The following ATP6V1G3 variants were observed in gnomAD, a reference collection of about 807,000 sequenced individuals.
ATP6V1G3 encodes ATPase H+ transporting V1 subunit G3.
ATP6V1G3 carries 9 observed loss-of-function variants against 9.3 expected under a neutral mutation model. The observed-to-expected ratio is 0.97, with a 90% CI of 0.59 to 1.69. The LOEUF is 1.69. ATP6V1G3 is among the 40% of genes most tolerant of loss of function. ATP6V1G3 has a pLI of 0.00. For synonymous variants in ATP6V1G3, 43 were observed against 43.8 expected (o/e 0.98, Z 0.07); for missense variants, 133 against 139.0 (o/e 0.96, Z 0.22).
chr1:198,530,971 G>A (rs1241844715), intron 1 of ATP6V1G3, among the ~76,000 whole-genome samples: 1 of 151,872 alleles, frequency 6.6e-6, no homozygotes, highest in Non-Finnish European at 1.5e-5. Flanking sequence ...TCTAAAAATA[G>A]TGGTTTTAAA....
intron 2 of ATP6V1G3, among the ~76,000 whole-genome samples, chr1:198,526,601 T>C (rs796809964): frequency 6.6e-6 from 1 of 152,312 alleles, no homozygotes; most frequent in East Asian, 1.9e-4. Flanking sequence ...TAATGACTGA[T>C]GGTGATGGAA....
intron 2 of ATP6V1G3, among the ~76,000 whole-genome samples, chr1:198,524,572 G>A (rs1659584246): frequency 6.6e-6 from 1 of 152,146 alleles, no homozygotes; most frequent in East Asian, 1.9e-4. Flanking sequence ...TTAATTGGCA[G>A]TGATTCCCAG....
Position 198,529,215 on chromosome 1 carries a change from T to A in ATP6V1G3, c.83-34A>T, listed in dbSNP as rs569444829. ...TAACAAATATATATATATATATATA[T>A]AATTATATATATCAATATATAAATA... is the stretch of plus-strand genomic sequence containing the variant. On this transcript the variant is annotated intron_variant, in intron 1 of 2. Coordinates refer to ENST00000367382, the MANE Select transcript of ATP6V1G3 (RefSeq NM_001376861.1). 3.6e-4 allele frequency: 149 copies of A among 416,012 alleles called. No individual in the cohort carries two copies. The South Asian group carries it at 5.9e-3, about 17-fold the overall frequency. 25.8% of individuals were successfully genotyped at this position (416,012 alleles called of 1,614,324 possible). A position where few individuals can be genotyped will look rare whatever the true frequency, so the allele number is the denominator to read the frequency against.
chr1:198,537,083 C>G (rs1334766897), intron 1 of ATP6V1G3, among the ~76,000 whole-genome samples: 1 of 152,160 alleles, frequency 6.6e-6, no homozygotes, highest in South Asian at 2.1e-4. Flanking sequence ...CTGCCCATGT[C>G]CCTGTCAGAT....
chr1:198,529,739 T>C (rs1320101278), intron 1 of ATP6V1G3, among the ~76,000 whole-genome samples: 1 of 152,162 alleles, frequency 6.6e-6, no homozygotes, highest in African/African-American at 2.4e-5. Context: ...TTGTTGACTC[T>C]ACAATGTCTG....
rs541119496 is a variant in ATP6V1G3 at position 198,526,144 on chromosome 1, G to T, written c.184-2580C>A. Among the ~76,000 whole-genome samples, 8 of 152,196 alleles carry T rather than the reference G, an allele frequency of 5.3e-5. No individual in the cohort carries two copies. In the East Asian group the frequency reaches 1.5e-3, roughly 29 times the overall value. ...TTTGAGTTTCTGCAGTGTTTCCTATGCAGTACTATAACAATGACTAGTCAT... is the reference window on the plus strand; with the variant it reads ...TTTGAGTTTCTGCAGTGTTTCCTATTCAGTACTATAACAATGACTAGTCAT... On this transcript the variant is annotated intron_variant, in intron 2 of 2. Coordinates refer to ENST00000367382, the MANE Select transcript of ATP6V1G3 (RefSeq NM_001376861.1).
chr1:198,535,558 A>T (rs1358407204), intron 1 of ATP6V1G3, among the ~76,000 whole-genome samples: 1 of 152,088 alleles, frequency 6.6e-6, no homozygotes, highest in Non-Finnish European at 1.5e-5. Flanking sequence ...ATAGTGGACC[A>T]TGCTTAAGAA....
At chr1:198,524,603 T>C (rs547343246) in intron 2 of ATP6V1G3, among the ~76,000 whole-genome samples, 1 of 152,336 alleles carries the variant, frequency 6.6e-6, no homozygotes, top group South Asian at 2.1e-4. Flanking sequence ...TATCTCCTCT[T>C]TCCTCATAGC....
intron 2 of ATP6V1G3, among the ~76,000 whole-genome samples, chr1:198,523,800 T>C (rs1659546902): frequency 6.6e-6 from 1 of 152,204 alleles, no homozygotes; most frequent in Non-Finnish European, 1.5e-5. Context: ...CTCCACATGG[T>C]ACAAATTGAA....
At chr1:198,530,007 G>A (rs982102613) in intron 1 of ATP6V1G3, among the ~76,000 whole-genome samples, 1 of 151,998 alleles carries the variant, frequency 6.6e-6, no homozygotes, top group Non-Finnish European at 1.5e-5. Flanking sequence ...AAGTTTGGGG[G>A]GGGTTACAGA....
chr1:198,537,819 A>G (rs902111475), intron 1 of ATP6V1G3, among the ~76,000 whole-genome samples: 1 of 152,220 alleles, frequency 6.6e-6, no homozygotes, highest in Non-Finnish European at 1.5e-5. Context: ...GTAGATACCC[A>G]ATAAACACTT....
At chr1:198,533,460 G>C (rs1659987486) in intron 1 of ATP6V1G3, among the ~76,000 whole-genome samples, 1 of 152,142 alleles carries the variant, frequency 6.6e-6, no homozygotes, top group East Asian at 1.9e-4. Flanking sequence ...GAGTTAGCAA[G>C]AAGAGGGTAG....
At chr1:198,524,908 T>A (rs1442483353) in intron 2 of ATP6V1G3, among the ~76,000 whole-genome samples, 2 of 152,238 alleles carry the variant, frequency 1.3e-5, no homozygotes, top group Non-Finnish European at 2.9e-5. Context: ...GTTGTTAGAC[T>A]ATTCTAAATT....
chr1:198,539,688 A>T (rs140411776), intron 1 of ATP6V1G3, among the ~76,000 whole-genome samples: 51 of 152,356 alleles, frequency 3.3e-4, no homozygotes, highest in African/African-American at 1.2e-3. Context: ...TTCTCTAAGC[A>T]TCACTTTTGC....
intron 1 of ATP6V1G3, among the ~76,000 whole-genome samples, chr1:198,538,891 CA>C (rs71569596): frequency 3.2e-3 from 312 of 97,284 alleles, no homozygotes; most frequent in Middle Eastern, 5.4e-3. Flanking sequence ...GACCCTGTCT[CA>C]AAAAAAAAAA....
At chr1:198,534,224 A>G (rs1341370116) in intron 1 of ATP6V1G3, among the ~76,000 whole-genome samples, 1 of 152,214 alleles carries the variant, frequency 6.6e-6, no homozygotes, top group Non-Finnish European at 1.5e-5. Flanking sequence ...AGGGATTAAG[A>G]CAGGTCCTAA....
intron 1 of ATP6V1G3, among the ~76,000 whole-genome samples, chr1:198,537,909 A>G (rs1401903191): frequency 1.3e-5 from 2 of 152,198 alleles, no homozygotes; most frequent in East Asian, 1.9e-4. Flanking sequence ...TAATATTTCT[A>G]TTTTGCCATA....
intron 2 of ATP6V1G3, among the ~76,000 whole-genome samples, chr1:198,528,687 A>G (rs1385362501): frequency 6.6e-6 from 1 of 152,098 alleles, no homozygotes; most frequent in Non-Finnish European, 1.5e-5. Context: ...TCTTGGAAAT[A>G]TTAGTTATTT....
chr1:198,529,417 A>G (rs1659805554), intron 1 of ATP6V1G3, among the ~76,000 whole-genome samples: 1 of 151,716 alleles, frequency 6.6e-6, no homozygotes, highest in African/African-American at 2.4e-5. Context: ...TGAAAATTTT[A>G]TTATTTTTTA....
Sources: allele counts gnomAD v4.1 joint callset (sites outside exome capture counted in the v4.1 genomes callset), GRCh38; gene constraint gnomAD v4.1.1; transcripts MANE v1.5; gene names NCBI Gene and HGNC (gene_info 2026-07-23, HGNC 2026-07-21).